Variants in NDUFAF1 observed in about 807,000 individuals in gnomAD.
The protein encoded by NDUFAF1 is complex I intermediate-associated protein 30, mitochondrial.
A neutral mutation model predicts 28.7 loss-of-function variants in NDUFAF1; 18 were observed. That is an observed-to-expected ratio of 0.63 (90% CI 0.43 to 0.93). The LOEUF (loss-of-function observed/expected upper bound fraction) is 0.93. Ranked by LOEUF, NDUFAF1 falls within the 40% of genes least tolerant of loss-of-function variation. The probability of loss-of-function intolerance (pLI) is 0.00; values close to 1 mark genes in which losing one functional copy is unlikely to be tolerated. For missense variants in NDUFAF1, 404 were observed against 398.3 expected, an observed-to-expected ratio of 1.01 and a Z score of -0.12; for synonymous variants, 113 against 139.7, an observed-to-expected ratio of 0.81 and a Z score of 1.35.
chr15:41,396,016 G>A (rs1389714641), intron 2 of NDUFAF1, among the ~76,000 whole-genome samples: 1 of 151,558 alleles, frequency 6.6e-6, no homozygotes, highest in East Asian at 2.0e-4. Context: ...TGAACCTGGA[G>A]GGCGGAAGTT....
intron 3 of NDUFAF1, 86 bp from the exon 4 acceptor site, chr15:41,388,608 A>G (rs1431346578): frequency 2.2e-6 from 2 of 895,806 alleles, no homozygotes; most frequent in Admixed American, 1.9e-5. Context: ...ATGAGTTTAC[A>G]TTTATTCTAA....
intron 1 of NDUFAF1, among the ~76,000 whole-genome samples, chr15:41,400,424 C>T (rs1018803878): frequency 2.0e-5 from 3 of 151,240 alleles, no homozygotes; most frequent in Admixed American, 2.0e-4. Context: ...TCAGACGAGT[C>T]TCTAACTCCT....
intron 2 of NDUFAF1, 23 bp downstream of exon 2, chr15:41,396,464 G>C: frequency 6.2e-7 from 1 of 1,609,180 alleles, no homozygotes; most frequent in Non-Finnish European, 8.5e-7. Context: ...ACTAGAAAAC[G>C]ATGGCTCCTG....
chr15:41,388,394 T>TC, intron 4 of NDUFAF1, 54 bp downstream of exon 4: 1 of 1,361,102 alleles, frequency 7.3e-7, no homozygotes, highest in Middle Eastern at 1.8e-4. Context: ...TCCCCAGAGT[T>TC]CCGATTCATT....
intron 1 of NDUFAF1, among the ~76,000 whole-genome samples, chr15:41,401,088 T>C (rs1038363112): frequency 6.6e-6 from 1 of 151,638 alleles, no homozygotes; most frequent in Admixed American, 6.6e-5. Context: ...CCTGAATAGC[T>C]GGGATTACAG....
intron 3 of NDUFAF1, among the ~76,000 whole-genome samples, chr15:41,391,446 G>T (rs2050314672): frequency 1.3e-5 from 2 of 151,720 alleles, no homozygotes; most frequent in Admixed American, 1.3e-4. Flanking sequence ...CTTGGTGAAT[G>T]AAACCCCATC....
intron 3 of NDUFAF1, 54 bp downstream of exon 3, chr15:41,394,805 A>C (rs1595405863): frequency 1.3e-6 from 2 of 1,583,768 alleles, no homozygotes; most frequent in East Asian, 2.2e-5. Flanking sequence ...GGCGTGAGCC[A>C]CCTCACCCAG....
intron 2 of NDUFAF1, 57 bp downstream of exon 2, chr15:41,396,430 C>T: frequency 6.6e-7 from 1 of 1,519,110 alleles, no homozygotes; most frequent in East Asian, 2.3e-5. Flanking sequence ...ATAGTTTATG[C>T]TACAATGAAG....
chr15:41,393,029 A>T (rs139857245), intron 3 of NDUFAF1, among the ~76,000 whole-genome samples: 3 of 151,862 alleles, frequency 2.0e-5, no homozygotes, highest in Admixed American at 6.6e-5. Context: ...AGGTGACAGG[A>T]CTCGCTAATA....
rs1033274223 is a variant in NDUFAF1 at position 41,397,535 on chromosome 15, G to C, written c.-81-395C>G. On this transcript the variant is annotated intron_variant, in intron 1 of 4. Transcript: ENST00000260361. ...AGAGACTGGGCCGGGCGCGGTGGCT[G>C]ACGCCTGTAATCCCAGCACTTGGGG... Among the ~76,000 whole-genome samples, 52 of 152,236 alleles carry C rather than the reference G, an allele frequency of 3.4e-4. 1 individual carries two copies. Among genetic ancestry groups the C allele is most frequent in the Non-Finnish European group, 1.2e-4 (8 of 68,010 alleles).
intron 1 of NDUFAF1, among the ~76,000 whole-genome samples, chr15:41,399,642 C>T (rs1237522487): frequency 2.6e-5 from 4 of 151,470 alleles, no homozygotes; most frequent in Non-Finnish European, 5.9e-5. Context: ...ATCACGAGGT[C>T]AGGAGATCGA....
At chr15:41,394,547 A>G (rs796077504) in intron 3 of NDUFAF1, among the ~76,000 whole-genome samples, 3 of 148,294 alleles carry the variant, frequency 2.0e-5, no homozygotes, top group African/African-American at 7.5e-5. Context: ...CCTTTCTTCT[A>G]CCCACCCACC....
In NDUFAF1 at chr15:41,396,822, C is replaced by A. The variant is rs1406147170; in HGVS notation, c.238G>T (p.Val80Phe). Residue 80 changes from valine to phenylalanine, a missense_variant, in exon 2 of 5, where the codon GTT (valine) becomes TTT (phenylalanine). Val to Phe is a conservative substitution (Grantham distance 50, BLOSUM62 -1). Coordinates refer to ENST00000260361, the MANE Select transcript of NDUFAF1 (RefSeq NM_016013.4). ...DITSSEEKPDVSFDKAIRDEA... is the reference protein window; with the variant it reads ...DITSSEEKPDFSFDKAIRDEA... ...TCTCTAATTGCTTTATCGAAACTAACATCAGGCTTCTCCTCAGAAGAAGTT... is the reference window on the plus strand; with the variant it reads ...TCTCTAATTGCTTTATCGAAACTAAAATCAGGCTTCTCCTCAGAAGAAGTT... 1 of 1,614,132 alleles carries A rather than the reference C, an allele frequency of 6.2e-7. No individual in the cohort carries two copies. Among genetic ancestry groups the A allele is most frequent in the East Asian group, 2.2e-5 (1 of 44,876 alleles).
chr15:41,387,702 T>C lies in NDUFAF1; in HGVS notation c.835-109A>G, dbSNP rs1044327161. ...GATGATTATAACTGGGTTTTAATGC[T>C]ATCAGCCCTTAGCAAATACTACTAA... On this transcript the variant is annotated intron_variant, in intron 4 of 4. Transcript: ENST00000260361. 9.3e-6 allele frequency: 8 copies of C among 859,498 alleles called. No homozygotes were observed. The African/African-American group carries it at 1.0e-4, about 11-fold the overall frequency. 53.2% of individuals were successfully genotyped at this position (859,498 alleles called of 1,614,324 possible).
upstream of NDUFAF1, chr15:41,402,573 G>A (rs2050480210): frequency 3.6e-6 from 1 of 274,672 alleles, no homozygotes; most frequent in African/African-American, 2.2e-5. Context: ...CAGAAGCCCA[G>A]GAAGGACAGC....
rs144017415 is a variant in NDUFAF1 at position 41,388,592 on chromosome 15, G to A, written c.760-70C>T. On this transcript the variant is annotated intron_variant, in intron 3 of 4. Transcript: ENST00000260361. Reference sequence around the variant, plus strand: ...TGAGGCATCTGCATGTAATTGTAACGATAAAATGAGTTTACATTTATTCTA... The same window carrying A: ...TGAGGCATCTGCATGTAATTGTAACAATAAAATGAGTTTACATTTATTCTA... 548 of 975,690 alleles carry A rather than the reference G, an allele frequency of 5.6e-4. 1 individual carries two copies. The African/African-American group carries it at 7.5e-3, about 13-fold the overall frequency. The allele number at this position is 975,690 out of a possible 1,614,324, so 60.4% of individuals were successfully genotyped here. A position where few individuals can be genotyped will look rare whatever the true frequency, so the allele number is the denominator to read the frequency against.
At position 41,402,440 on chromosome 15, in the gene NDUFAF1, C is replaced by T; in HGVS notation, c.-378G>A. On this transcript the variant is annotated 5_prime_UTR_variant, in exon 1 of 5. Coordinates refer to ENST00000260361, the MANE Select transcript of NDUFAF1 (RefSeq NM_016013.4). Reference sequence around the variant, plus strand: ...GACACACCAACCGCCGGCCTGCCGCCGCTTACCTCCCCGAGCCTATAGTGT... The same window carrying T: ...GACACACCAACCGCCGGCCTGCCGCTGCTTACCTCCCCGAGCCTATAGTGT... The T allele has an allele frequency of 2.3e-6, 1 of 431,816 alleles. No homozygotes were observed. Among genetic ancestry groups the T allele is most frequent in the Non-Finnish European group, 4.7e-6 (1 of 212,350 alleles). 26.7% of individuals were successfully genotyped at this position (431,816 alleles called of 1,614,324 possible). A position where few individuals can be genotyped will look rare whatever the true frequency, so the allele number is the denominator to read the frequency against.
rs1555382949 is a variant in NDUFAF1 at position 41,397,148 on chromosome 15, A to G, written c.-81-8T>C. On this transcript the variant is annotated splice_polypyrimidine_tract_variant and splice_region_variant and intron_variant, in intron 1 of 4. Transcript: ENST00000260361. ...CAAATAGCCCAATTCTACCTATAAC[A>G]GAAGAGACATTGAAGAATTATCAGC... 2 of 1,019,820 alleles carry G rather than the reference A, an allele frequency of 2.0e-6. No homozygotes were observed. Among genetic ancestry groups the G allele is most frequent in the Non-Finnish European group, 3.0e-6 (2 of 672,508 alleles). The allele number at this position is 1,019,820 out of a possible 1,614,324, so 63.2% of individuals were successfully genotyped here.
At position 41,396,752 on chromosome 15, in the gene NDUFAF1, T is replaced by G; in HGVS notation, c.308A>C (p.Asp103Ala). The change falls in exon 2 of 5, where the codon GAT becomes GCT. Residue 103 changes from aspartate (D) to alanine (A), a missense_variant. By Grantham distance (126) the Asp-to-Ala change is moderately radical. Coordinates refer to ENST00000260361, the MANE Select transcript of NDUFAF1 (RefSeq NM_016013.4). ...HFRLLKDEIV[D>A]HWRGPEGHPL... ...GTGGCCTTCCGGTCCTCTCCAATGA[T>G]CCACAATTTCATCCTTCAAAAGCCT... 1 of 1,614,174 alleles carries G rather than the reference T, an allele frequency of 6.2e-7. No individual in the cohort carries two copies. The highest frequency in any genetic ancestry group is 8.5e-7 in the Non-Finnish European group (1 of 1,180,028).
Sources: gnomAD v4.1 joint callset for allele counts (sites outside exome capture counted in the v4.1 genomes callset) on GRCh38, gnomAD v4.1.1 for gene constraint, MANE v1.5 for transcripts, NCBI Gene and HGNC (gene_info 2026-07-23, HGNC 2026-07-21) for gene names.